Variants in CNTNAP4 observed in about 807,000 individuals in gnomAD.
CNTNAP4 encodes the protein contactin-associated protein-like 4.
In CNTNAP4, 98 loss-of-function variants were observed where a neutral mutation model predicts 148.4. That is an observed-to-expected ratio of 0.66 (90% CI 0.56 to 0.78). The LOEUF is 0.78. Among genes scored for constraint, CNTNAP4 ranks in the 30% least tolerant of loss-of-function variants. CNTNAP4 has a pLI of 0.00. For missense variants in CNTNAP4, 1,935 were observed against 1,565.6 expected, an observed-to-expected ratio of 1.24 and a Z score of -3.98; for synonymous variants, 730 against 565.1, an observed-to-expected ratio of 1.29 and a Z score of -4.14.
chr16:76,367,280 T>C (rs2014252309), intron 3 of CNTNAP4, among the ~76,000 whole-genome samples: 1 of 151,808 alleles, frequency 6.6e-6, no homozygotes, highest in Non-Finnish European at 1.5e-5. Flanking sequence ...AATATAAATA[T>C]TTAAAAGTAA....
rs71134761 is a variant in CNTNAP4 at position 76,451,599 on chromosome 16, A to ATGTG, written c.1072-877_1072-874dup. ...ATAAAAATAAAAATATTTTAGATAGATGTGTGTGTGTGTGTGTGTGTGTGT... is the reference window on the plus strand; with the variant it reads ...ATAAAAATAAAAATATTTTAGATAGATGTGTGTGTGTGTGTGTGTGTGTGTGTGT... On this transcript the variant is annotated intron_variant, in intron 7 of 23. Coordinates refer to ENST00000611870, the MANE Select transcript of CNTNAP4 (RefSeq NM_033401.5). Among the ~76,000 whole-genome samples, 1,104 of 141,318 alleles carry ATGTG rather than the reference A, an allele frequency of 7.8e-3. 7 individuals carry two copies. The highest frequency in any genetic ancestry group is 0.015 in the African/African-American group (593 of 38,940). 92.7% of individuals were successfully genotyped at this position (141,318 alleles called of 152,430 possible). A position where few individuals can be genotyped will look rare whatever the true frequency, so the allele number is the denominator to read the frequency against.
Position 76,448,058 on chromosome 16 carries a change from A to T in CNTNAP4, c.585A>T (p.Arg195Ser), listed in dbSNP as rs748172625. The change falls in exon 5 of 24, where the codon AGA becomes AGT. Residue 195 changes from arginine to serine, a missense_variant. Arg to Ser is a moderately radical substitution (Grantham distance 110). Coordinates refer to ENST00000611870, the MANE Select transcript of CNTNAP4 (RefSeq NM_033401.5). ...ATGGAAAAAGTTCCCTTCTCTACAG[A>T]TTTGATCAAAAATCCCTGAGCCCAA... is the stretch of plus-strand genomic sequence containing the variant. Reference protein sequence around the residue: ...DLDGKSSLLYRFDQKSLSPIK... With the variant: ...DLDGKSSLLYSFDQKSLSPIK... 3 of 1,613,804 alleles carry T rather than the reference A, an allele frequency of 1.9e-6. No homozygotes were observed.
At chr16:76,291,139 G>A (rs1959098238) in intron 1 of CNTNAP4, among the ~76,000 whole-genome samples, 1 of 152,142 alleles carries the variant, frequency 6.6e-6, no homozygotes, top group Non-Finnish European at 1.5e-5. Context: ...TGTGGAGTGG[G>A]GGGTATAATT....
intron 1 of CNTNAP4, among the ~76,000 whole-genome samples, chr16:76,292,428 A>G (rs186573684): frequency 1.6e-3 from 237 of 152,116 alleles, no homozygotes; most frequent in African/African-American, 4.9e-3. Context: ...TCACTCATCA[A>G]TTGGTCTTGT....
rs530975500 is a variant in CNTNAP4 at position 76,517,882 on chromosome 16, G to GT, written c.2366-3249dup. On this transcript the variant is annotated intron_variant, in intron 15 of 23. Coordinates refer to ENST00000611870, the MANE Select transcript of CNTNAP4 (RefSeq NM_033401.5). ...AAATCTACTTTGTCTCCATAAGCCT[G>GT]TTTTTTTTTAAAAAAGGAATTCTAT... Among the ~76,000 whole-genome samples the GT allele has an allele frequency of 4.7e-3, 708 of 150,736 alleles. 8 individuals carry two copies. The highest frequency in any genetic ancestry group is 0.025 in the South Asian group (118 of 4,746).
chr16:76,277,540 G>C lies in CNTNAP4; in HGVS notation c.-123G>C. On this transcript the variant is annotated 5_prime_UTR_variant, in exon 1 of 24. Coordinates refer to ENST00000611870, the MANE Select transcript of CNTNAP4 (RefSeq NM_033401.5). The stretch of plus-strand genomic sequence containing the variant: ...CGGAGGGAGGTGAGGAGGAAGGGAG[G>C]GGGAGAGACAGAGACCTAGAGGGGC... 1 of 632,450 alleles carries C rather than the reference G, an allele frequency of 1.6e-6. No homozygotes were observed. Among genetic ancestry groups the C allele is most frequent in the Non-Finnish European group, 2.8e-6 (1 of 355,174 alleles). 39.2% of individuals were successfully genotyped at this position (632,450 alleles called of 1,614,324 possible). A position where few individuals can be genotyped will look rare whatever the true frequency, so the allele number is the denominator to read the frequency against.
intron 12 of CNTNAP4, among the ~76,000 whole-genome samples, chr16:76,488,105 C>A (rs922718766): frequency 6.6e-6 from 1 of 152,110 alleles, no homozygotes; most frequent in Non-Finnish European, 1.5e-5. Flanking sequence ...TTAATAATAA[C>A]CTTAAACTTC....
chr16:76,389,934 C>G (rs1038785259), intron 3 of CNTNAP4, among the ~76,000 whole-genome samples: 18 of 152,112 alleles, frequency 1.2e-4, no homozygotes, highest in African/African-American at 4.3e-4. Context: ...ATTTGGAAGG[C>G]AATTTCAAGA....
At chr16:76,494,204 G>A (rs775057244) in intron 13 of CNTNAP4, among the ~76,000 whole-genome samples, 8 of 151,962 alleles carry the variant, frequency 5.3e-5, no homozygotes, top group Non-Finnish European at 1.2e-4. Flanking sequence ...TCTTAACTCT[G>A]AGAAGGAGCT....
chr16:76,444,771 T>G (rs540971037), intron 4 of CNTNAP4, among the ~76,000 whole-genome samples: 3 of 152,174 alleles, frequency 2.0e-5, no homozygotes, highest in Non-Finnish European at 2.9e-5. Flanking sequence ...TTTCATTTCC[T>G]GAGAGTCTGT....
chr16:76,445,643 C>T (rs1482039612), intron 4 of CNTNAP4, among the ~76,000 whole-genome samples: 1 of 151,706 alleles, frequency 6.6e-6, no homozygotes, highest in East Asian at 1.9e-4. Flanking sequence ...TTAGGTGCCA[C>T]AGAAGATACA....
rs934683034 is a variant in CNTNAP4 at position 76,533,650 on chromosome 16, T to C, written c.2756-1895T>C. Among the ~76,000 whole-genome samples the C allele has an allele frequency of 2.7e-5, 4 of 148,792 alleles. No individual in the cohort carries two copies. In the Admixed American group the frequency reaches 2.7e-4, roughly 10 times the overall value. On this transcript the variant is annotated intron_variant, in intron 17 of 23. Coordinates refer to ENST00000611870, the MANE Select transcript of CNTNAP4 (RefSeq NM_033401.5). ...AGAACAACAAAAAGGAATAAACAAC[T>C]CAATTGGGCACCCATATTAAAAATC... is the stretch of plus-strand genomic sequence containing the variant.
chr16:76,542,877 G>T lies in CNTNAP4; in HGVS notation c.3442+2087G>T, dbSNP rs567823787. On this transcript the variant is annotated intron_variant, in intron 21 of 23. Coordinates refer to ENST00000611870, the MANE Select transcript of CNTNAP4 (RefSeq NM_033401.5). The stretch of plus-strand genomic sequence containing the variant: ...GATGTCAAGAAGAAATTTTAAGTAG[G>T]TTTTCTGTGCAAGATATTATACCAC... 8.5e-5 allele frequency among the ~76,000 whole-genome samples: 13 copies of T among 152,206 alleles called. No individual in the cohort carries two copies. The South Asian group carries it at 2.5e-3, about 29-fold the overall frequency.
At chr16:76,538,799 TAAAA>T (rs558690035) in intron 19 of CNTNAP4, among the ~76,000 whole-genome samples, 1 of 151,912 alleles carries the variant, frequency 6.6e-6, no homozygotes, top group South Asian at 2.1e-4. Context: ...TACTTTTAGT[TAAAA>T]AAATCATCAT....
intron 1 of CNTNAP4, among the ~76,000 whole-genome samples, chr16:76,312,705 C>T (rs1396051651): frequency 6.6e-6 from 1 of 152,140 alleles, no homozygotes; most frequent in Admixed American, 6.6e-5. Flanking sequence ...TCATGGTATT[C>T]TTACATAGTG....
intron 3 of CNTNAP4, among the ~76,000 whole-genome samples, chr16:76,367,892 ATCT>A (rs1489515639): frequency 1.3e-5 from 2 of 152,164 alleles, no homozygotes; most frequent in Admixed American, 1.3e-4. Context: ...TGTAGCTGGT[ATCT>A]TATCAGTCCT....
chr16:76,380,355 T>C (rs2015843642), intron 3 of CNTNAP4, among the ~76,000 whole-genome samples: 1 of 152,190 alleles, frequency 6.6e-6, no homozygotes. Flanking sequence ...TCCAGGTCTC[T>C]CCGTATCACA....
At chr16:76,283,000 A>G (rs998902242) in intron 1 of CNTNAP4, among the ~76,000 whole-genome samples, 6 of 151,830 alleles carry the variant, frequency 4.0e-5, no homozygotes, top group African/African-American at 7.3e-5. Context: ...AAAAGAAAAT[A>G]AACCCCCCCA....
rs182159337 is a variant in CNTNAP4, at chr16:76,560,076, C to G, written c.*1393C>G. ...GATCAATAACCTTATGGAACTGTTA[C>G]AATAATTAATCTTGAGACCATGCAT... On this transcript the variant is annotated 3_prime_UTR_variant, in exon 24 of 24. Coordinates refer to ENST00000611870, the MANE Select transcript of CNTNAP4 (RefSeq NM_033401.5). Among the ~76,000 whole-genome samples, 157 of 152,206 alleles carry G rather than the reference C, an allele frequency of 1.0e-3. No individual in the cohort carries two copies. Among genetic ancestry groups the G allele is most frequent in the African/African-American group, 3.7e-3 (153 of 41,548 alleles).
Sources: allele counts gnomAD v4.1 joint callset (sites outside exome capture counted in the v4.1 genomes callset), GRCh38; gene constraint gnomAD v4.1.1; transcripts MANE v1.5; gene names NCBI Gene and HGNC (gene_info 2026-07-23, HGNC 2026-07-21).